The following SLC36A3 variants were observed in gnomAD, a reference collection of about 807,000 sequenced individuals.
The protein encoded by SLC36A3 is proton-coupled amino acid transporter 3.
SLC36A3 carries 35 observed loss-of-function variants against 44.3 expected under a neutral mutation model. The ratio of observed to expected loss-of-function variants is 0.79; its 90% CI spans 0.60 to 1.05. The LOEUF is 1.05. Ranked by LOEUF, SLC36A3 falls within the 50% of genes least tolerant of loss-of-function variation. The pLI, the probability that SLC36A3 is intolerant of heterozygous loss-of-function variation, is 0.00. For synonymous variants in SLC36A3, 211 were observed against 227.6 expected (o/e 0.93, Z 0.66); for missense variants, 540 against 578.7 (o/e 0.93, Z 0.69).
At chr5:151,302,784 G>A (rs1437240942) in intron 1 of SLC36A3, among the ~76,000 whole-genome samples, 1 of 152,036 alleles carries the variant, frequency 6.6e-6, no homozygotes, top group African/African-American at 2.4e-5. Context: ...AGTTCCATGT[G>A]TCTGAGTTTG....
intron 3 of SLC36A3, among the ~76,000 whole-genome samples, chr5:151,294,473 C>A (rs933104602): frequency 6.6e-6 from 1 of 152,060 alleles, no homozygotes; most frequent in Non-Finnish European, 1.5e-5. Context: ...AATAACACAT[C>A]CCATTGTAAA....
chr5:151,283,665 A>G (rs1198419729), intron 8 of SLC36A3, among the ~76,000 whole-genome samples: 3 of 152,220 alleles, frequency 2.0e-5, no homozygotes, highest in Admixed American at 2.0e-4. Flanking sequence ...CCTTGGAAAA[A>G]TGAAGGCTGT....
intron 6 of SLC36A3, among the ~76,000 whole-genome samples, chr5:151,286,912 G>A (rs1261680557): frequency 6.6e-6 from 1 of 152,126 alleles, no homozygotes; most frequent in African/African-American, 2.4e-5. Flanking sequence ...CATGAGAGCA[G>A]GCACCCTATT....
At chr5:151,298,749 A>T in intron 1 of SLC36A3, 66 bp from the exon 2 acceptor site, 3 of 1,540,308 alleles carry the variant, frequency 1.9e-6, no homozygotes, top group Middle Eastern at 3.4e-4. Context: ...CCAGAAACTC[A>T]GCCTCCTTCT....
At chr5:151,296,680 G>A (rs1351943487) in intron 2 of SLC36A3, 1 of 173,950 alleles carries the variant, frequency 5.7e-6, no homozygotes, top group African/African-American at 2.4e-5. Flanking sequence ...TTTATCAACA[G>A]GTGCCCTATT....
chr5:151,294,791 GGC>G, intron 3 of SLC36A3, among the ~76,000 whole-genome samples: 1 of 152,036 alleles, frequency 6.6e-6, no homozygotes, highest in South Asian at 2.1e-4. Flanking sequence ...CACCACGCCT[GGC>G]TAATTTTGTA....
At chr5:151,302,179 G>A (rs1277720805) in intron 1 of SLC36A3, among the ~76,000 whole-genome samples, 1 of 152,178 alleles carries the variant, frequency 6.6e-6, no homozygotes, top group Non-Finnish European at 1.5e-5. Context: ...ATAAATATTT[G>A]TATGTTTTAT....
In SLC36A3 at chr5:151,284,274, G is replaced by C. The variant is rs139871933; in HGVS notation, c.808-64C>G. Reference sequence around the variant, plus strand: ...AAGAGATGTGGCCCATTGTGAAGGAGAGGGTTCCCGTACAAGCACAAATGT... The same window carrying C: ...AAGAGATGTGGCCCATTGTGAAGGACAGGGTTCCCGTACAAGCACAAATGT... On this transcript the variant is annotated intron_variant, in intron 7 of 9. Coordinates refer to ENST00000335230, the MANE Select transcript of SLC36A3 (RefSeq NM_181774.4). 3,089 of 1,504,578 alleles carry C rather than the reference G, an allele frequency of 2.1e-3. 33 individuals are homozygous for C. Among genetic ancestry groups the C allele is most frequent in the Non-Finnish European group, 1.3e-3 (1,487 of 1,115,762 alleles). The allele number at this position is 1,504,578 out of a possible 1,614,324, so 93.2% of individuals were successfully genotyped here.
intron 4 of SLC36A3, among the ~76,000 whole-genome samples, chr5:151,290,897 A>AATG (rs1484948498): frequency 3.9e-5 from 6 of 152,028 alleles, no homozygotes; most frequent in African/African-American, 1.4e-4. Flanking sequence ...TAATAATAAT[A>AATG]ATAATTCAGT....
intron 9 of SLC36A3, among the ~76,000 whole-genome samples, chr5:151,278,434 T>G (rs1297111708): frequency 2.0e-5 from 3 of 150,874 alleles, no homozygotes; most frequent in African/African-American, 7.2e-5. Flanking sequence ...TTTATATGAT[T>G]TAATTTTATG....
At chr5:151,282,670 G>A in intron 8 of SLC36A3, among the ~76,000 whole-genome samples, 1 of 152,086 alleles carries the variant, frequency 6.6e-6, no homozygotes, top group Non-Finnish European at 1.5e-5. Flanking sequence ...ATATATTAAT[G>A]CACATATAAT....
intron 8 of SLC36A3, among the ~76,000 whole-genome samples, 193 bp from the exon 9 acceptor site, chr5:151,281,376 T>C (rs10515646): frequency 0.079 from 12,035 of 152,260 alleles, 747 homozygotes; most frequent in African/African-American, 0.18. Flanking sequence ...TACTTTTCAC[T>C]GAATTATAGA....
At chr5:151,298,927 A>G (rs1363363) in intron 1 of SLC36A3, among the ~76,000 whole-genome samples, 36,559 of 152,010 alleles carry the variant, frequency 0.24, 4,632 homozygotes, top group Admixed American at 0.38. Context: ...GGAAATAAAA[A>G]TTGCTACCAT....
intron 4 of SLC36A3, among the ~76,000 whole-genome samples, chr5:151,290,426 A>G (rs2127264261): frequency 6.6e-6 from 1 of 152,352 alleles, no homozygotes; most frequent in East Asian, 1.9e-4. Flanking sequence ...GAATAATTTA[A>G]TGAATATAAC....
intron 4 of SLC36A3, 43 bp downstream of exon 4, chr5:151,293,321 T>C (rs1754828561): frequency 6.6e-7 from 1 of 1,506,820 alleles, no homozygotes; most frequent in Non-Finnish European, 9.1e-7. Context: ...AAAAGTGATA[T>C]GATGATTTTT....
At chr5:151,298,138 G>T (rs188632686) in intron 2 of SLC36A3, 1 of 154,778 alleles carries the variant, frequency 6.5e-6, no homozygotes, top group Admixed American at 6.4e-5. Context: ...GGCAGGAACA[G>T]CACAGGAAAA....
chr5:151,291,891 C>G (rs1021308326), intron 4 of SLC36A3, among the ~76,000 whole-genome samples: 3 of 152,066 alleles, frequency 2.0e-5, no homozygotes, highest in African/African-American at 7.2e-5. Context: ...GATGGAGTCT[C>G]ACTCTGTCAC....
At chr5:151,285,005 C>T (rs1449322483) in intron 6 of SLC36A3, among the ~76,000 whole-genome samples, 1 of 152,188 alleles carries the variant, frequency 6.6e-6, no homozygotes, top group African/African-American at 2.4e-5. Context: ...ACATTTTCAT[C>T]ACCCCAAATG....
intron 1 of SLC36A3, among the ~76,000 whole-genome samples, chr5:151,299,518 G>T (rs1323798307): frequency 6.6e-6 from 1 of 151,942 alleles, no homozygotes; most frequent in Non-Finnish European, 1.5e-5. Context: ...AGGGCCTAGG[G>T]TTCTAAATAT....
Sources: gnomAD v4.1 joint callset for allele counts (sites outside exome capture counted in the v4.1 genomes callset) on GRCh38, gnomAD v4.1.1 for gene constraint, MANE v1.5 for transcripts, NCBI Gene and HGNC (gene_info 2026-07-23, HGNC 2026-07-21) for gene names.